Variants in USP49 observed in about 807,000 individuals in gnomAD.
USP49 encodes the protein ubiquitin carboxyl-terminal hydrolase 49.
A neutral mutation model predicts 58.6 loss-of-function variants in USP49; 24 were observed. That is an observed-to-expected ratio of 0.41 (90% CI 0.30 to 0.58). USP49 has a LOEUF of 0.58. Ranked by LOEUF, USP49 falls within the 20% of genes least tolerant of loss-of-function variation. The pLI, the probability that USP49 is intolerant of heterozygous loss-of-function variation, is 0.30. For synonymous variants in USP49, 408 were observed against 365.1 expected (o/e 1.12, Z -1.34); for missense variants, 703 against 866.1 (o/e 0.81, Z 2.36).
At chr6:41,891,767 TA>T (rs1192543688) in intron 2 of USP49, 26 bp downstream of exon 2, 1 of 152,204 alleles carries the variant, frequency 6.6e-6, no homozygotes, top group Non-Finnish European at 1.5e-5. Flanking sequence ...AGATTTGTTT[TA>T]AAAAATAGGA....
At chr6:41,814,015 C>T (rs1367268534) in intron 3 of USP49, among the ~76,000 whole-genome samples, 2 of 152,156 alleles carry the variant, frequency 1.3e-5, no homozygotes, top group African/African-American at 4.8e-5. Context: ...ACAGGTTTCC[C>T]TTCGTATTCT....
At chr6:41,874,883 A>G (rs945686863) in intron 2 of USP49, among the ~76,000 whole-genome samples, 2 of 152,162 alleles carry the variant, frequency 1.3e-5, no homozygotes, top group Non-Finnish European at 2.9e-5. Flanking sequence ...ACTTGAGGCC[A>G]TGAGGTCAAG....
At chr6:41,883,468 C>T (rs1774650802) in intron 2 of USP49, among the ~76,000 whole-genome samples, 1 of 147,554 alleles carries the variant, frequency 6.8e-6, no homozygotes, top group African/African-American at 2.5e-5. Flanking sequence ...ACCAGCCTGG[C>T]CAACATGGTG....
intron 3 of USP49, among the ~76,000 whole-genome samples, chr6:41,858,683 A>G (rs1774171348): frequency 6.6e-6 from 1 of 151,788 alleles, no homozygotes; most frequent in African/African-American, 2.4e-5. Flanking sequence ...CTCTTCCCTC[A>G]GATATCTACA....
intron 3 of USP49, among the ~76,000 whole-genome samples, chr6:41,869,463 C>T (rs887742131): frequency 4.6e-5 from 7 of 151,824 alleles, no homozygotes; most frequent in Admixed American, 2.6e-4. Flanking sequence ...GTAATTCCAA[C>T]ACTTTGGGAG....
rs1325119278 is a variant in USP49 at position 41,806,381 on chromosome 6, G to A, written c.603C>T (p.Ala201=). 1.3e-6 allele frequency: 2 copies of A among 1,549,314 alleles called. No homozygotes were observed. The highest frequency in any genetic ancestry group is 1.7e-6 in the Non-Finnish European group (2 of 1,157,154). Residue 201 remains alanine (A), a synonymous_variant, in exon 4 of 8, where the codon GCC becomes GCT. Coordinates refer to ENST00000682992, the MANE Select transcript of USP49 (RefSeq NM_001286554.2). This position sits in a 1 kb window ranked among gnomAD's most constrained non-coding sequence, Gnocchi z 5.9. ...GTGCACTCTTGCGCGGAGGGGTGCT[G>A]GCCAGCTCCTCCAGCAGCCGCCGTT... ...EVKRRLLEEL[A]STPPRKSARL...
chr6:41,835,924 A>G (rs547807510), intron 3 of USP49, among the ~76,000 whole-genome samples: 7 of 152,134 alleles, frequency 4.6e-5, no homozygotes, highest in African/African-American at 1.7e-4. Context: ...TAAAAAATAA[A>G]AAAATTAGCT....
In USP49 at chr6:41,796,567, T is replaced by C. The variant is rs762242554; in HGVS notation, c.2033A>G (p.Asn678Ser). 1.4e-6 allele frequency: 1 copy of C among 717,532 alleles called. No homozygotes were observed. Among genetic ancestry groups the C allele is most frequent in the Non-Finnish European group, 2.6e-6 (1 of 385,098 alleles). The allele number at this position is 717,532 out of a possible 1,614,324, so 44.4% of individuals were successfully genotyped here. The part of the protein sequence containing the change: ...THLQAQVQSS[N>S]NDEGRPQTFS ...TGTCTGTGGTCTGCCTTCATCATTG[T>C]TGCTGGACTGCACCTGAGCTTGGAG... Residue 678 changes from asparagine to serine, a missense_variant, in exon 8 of 8, where the codon AAC (asparagine) becomes AGC (serine). Physicochemically the swap from Asn to Ser is conservative, Grantham distance 46 (BLOSUM62 1). Around this residue, in one of 6 missense-constraint regions of USP49, gnomAD observed 158 missense variants for 241.2 expected, o/e 0.66. Coordinates refer to ENST00000682992, the MANE Select transcript of USP49 (RefSeq NM_001286554.2).
intron 2 of USP49, among the ~76,000 whole-genome samples, chr6:41,881,627 G>A (rs890643239): frequency 1.3e-5 from 2 of 151,938 alleles, no homozygotes; most frequent in East Asian, 1.9e-4. Flanking sequence ...AAACATTAAG[G>A]GCAGGAAATA....
At chr6:41,872,627 G>T (rs368034394) in intron 2 of USP49, among the ~76,000 whole-genome samples, 2 of 151,848 alleles carry the variant, frequency 1.3e-5, no homozygotes, top group Non-Finnish European at 2.9e-5. Context: ...GGCCAGGCAC[G>T]GTGGCTCACA....
chr6:41,843,163 C>T (rs79178697), intron 3 of USP49, among the ~76,000 whole-genome samples: 2,106 of 152,304 alleles, frequency 0.014, 43 homozygotes, highest in African/African-American at 0.048. Flanking sequence ...GCGTAGGCCA[C>T]CACGCCTGGC....
rs1271238949 is a variant in USP49 at position 41,793,687 on chromosome 6, T to G, written c.*2846A>C. ...AGAGCTTCAGTTCTGCCAAGGGCAT[T>G]CCTAACTATTTTTATACTAGCATGG... On this transcript the variant is annotated 3_prime_UTR_variant, in exon 8 of 8. Transcript: ENST00000682992. 2.6e-5 allele frequency: 4 copies of G among 152,194 alleles called. No homozygotes were observed. The highest frequency in any genetic ancestry group is 9.7e-5 in the African/African-American group (4 of 41,436). 9.4% of individuals were successfully genotyped at this position (152,194 alleles called of 1,614,324 possible).
In USP49 at chr6:41,883,226, C is replaced by T. The variant is rs549903397; in HGVS notation, c.-103+8568G>A. Among the ~76,000 whole-genome samples, 19 of 151,816 alleles carry T rather than the reference C, an allele frequency of 1.3e-4. No individual in the cohort carries two copies. In the South Asian group the frequency reaches 3.5e-3, roughly 28 times the overall value. On this transcript the variant is annotated intron_variant, in intron 2 of 7. Coordinates refer to ENST00000682992, the MANE Select transcript of USP49 (RefSeq NM_001286554.2). ...AAAATTAGCTAGGTGTGGTGGCACA[C>T]ACCTGTAATCCCAGCTACTCAGGAG...
chr6:41,865,131 G>A (rs1774288108), intron 3 of USP49, among the ~76,000 whole-genome samples: 1 of 151,790 alleles, frequency 6.6e-6, no homozygotes, highest in East Asian at 1.9e-4. Flanking sequence ...TGCAACCTTT[G>A]TCTCCTGGGT....
At chr6:41,880,043 A>C (rs1308271480) in intron 2 of USP49, among the ~76,000 whole-genome samples, 1 of 152,212 alleles carries the variant, frequency 6.6e-6, no homozygotes, top group Non-Finnish European at 1.5e-5. Context: ...ATTTTAAGGA[A>C]ACACAGATTT....
chr6:41,801,624 G>A (rs1040332523), intron 5 of USP49, among the ~76,000 whole-genome samples: 1 of 152,210 alleles, frequency 6.6e-6, no homozygotes, highest in Admixed American at 6.5e-5. Context: ...AGCAGAGGGA[G>A]TATGTGAGCT....
At chr6:41,809,986 C>T (rs1773221787) in intron 3 of USP49, among the ~76,000 whole-genome samples, 1 of 149,348 alleles carries the variant, frequency 6.7e-6, no homozygotes, top group Non-Finnish European at 1.5e-5. Flanking sequence ...CCTGTCTCTA[C>T]TAAAAAATAC....
In USP49 at chr6:41,893,039, T is replaced by C. The variant is rs1774835567; in HGVS notation, c.-184-1164A>G. The stretch of plus-strand genomic sequence containing the variant: ...AAATCAAAAGCTTCTAGAAAATTAG[T>C]ATTAATCTGGCCTTCTTTATTCATA... On this transcript the variant is annotated intron_variant, in intron 1 of 7. Transcript: ENST00000682992. Among the ~76,000 whole-genome samples, 2 of 152,206 alleles carry C rather than the reference T, an allele frequency of 1.3e-5. 1 individual carries two copies.
At chr6:41,812,216 A>G (rs1451983575) in intron 3 of USP49, among the ~76,000 whole-genome samples, 3 of 151,736 alleles carry the variant, frequency 2.0e-5, no homozygotes, top group Non-Finnish European at 4.4e-5. Context: ...AATAGCTGGG[A>G]TTATAGGCAT....
Sources: allele counts gnomAD v4.1 joint callset (sites outside exome capture counted in the v4.1 genomes callset), GRCh38; gene constraint gnomAD v4.1.1; regional missense constraint gnomAD v4.1.1; non-coding constraint Gnocchi (gnomAD v3.1); transcripts MANE v1.5; gene names NCBI Gene and HGNC (gene_info 2026-07-23, HGNC 2026-07-21).